RNF128: variants seen among roughly 807,000 people sequenced by gnomAD.
RNF128 encodes E3 ubiquitin-protein ligase RNF128.
In RNF128, 13 loss-of-function variants were observed where a neutral mutation model predicts 26.2. The observed-to-expected ratio is 0.50, with a 90% CI of 0.32 to 0.79. The LOEUF (loss-of-function observed/expected upper bound fraction) is 0.79, where lower values mean the gene tolerates loss of function less well. Ranked by LOEUF, RNF128 falls within the 30% of genes least tolerant of loss-of-function variation. RNF128 has a pLI of 0.03. For synonymous variants in RNF128, 149 were observed against 142.5 expected, an observed-to-expected ratio of 1.05 and a Z score of -0.32; for missense variants, 315 against 349.7, an observed-to-expected ratio of 0.90 and a Z score of 0.79.
At chrX:106,729,592 T>C (rs1291291798) in intron 1 of RNF128, among the ~76,000 whole-genome samples, 1 of 111,261 alleles carries the variant, frequency 9.0e-6, no homozygotes, top group Non-Finnish European at 1.9e-5. Flanking sequence ...AATAAAGCCC[T>C]AAATATTGAT....
intron 4 of RNF128, 112 bp from the exon 5 acceptor site, chrX:106,790,074 G>T (rs778182371): frequency 4.8e-6 from 2 of 419,758 alleles, no homozygotes; most frequent in South Asian, 6.6e-5. Flanking sequence ...TGTTTAAAAG[G>T]AAAGGCATCC....
chrX:106,706,734 T>A (rs2147659686), intron 1 of RNF128, among the ~76,000 whole-genome samples: 1 of 112,599 alleles, frequency 8.9e-6, no homozygotes, highest in South Asian at 3.7e-4. Flanking sequence ...GTATAGGATC[T>A]GAAAAGAAAT....
chrX:106,791,232 C>T lies in RNF128; in HGVS notation c.1151C>T (p.Thr384Ile). The change falls in exon 6 of 7, where the codon ACA (threonine) becomes ATA (isoleucine). Residue 384 changes from threonine to isoleucine, a missense_variant and splice_region_variant. By Grantham distance (89) the Thr-to-Ile change is moderately conservative. Coordinates refer to ENST00000255499, the MANE Select transcript of RNF128 (RefSeq NM_194463.2). ...EPPLEEHVQS[T>I]NESLQLVNHE... ...CCTCTGGAGGAACACGTGCAGTCAA[C>T]AAGTAAGCATCATACTAAAGGTTAA... 1 of 1,206,448 alleles carries T rather than the reference C, an allele frequency of 8.3e-7. No homozygotes were observed. Among genetic ancestry groups the T allele is most frequent in the East Asian group, 3.0e-5 (1 of 33,743 alleles).
chrX:106,771,622 G>A, intron 1 of RNF128, among the ~76,000 whole-genome samples: 1 of 112,604 alleles, frequency 8.9e-6, no homozygotes, highest in Non-Finnish European at 1.9e-5. Flanking sequence ...ATTAGAGTGG[G>A]AGTGTCCCGA....
intron 1 of RNF128, among the ~76,000 whole-genome samples, chrX:106,729,428 C>T (rs1426179782): frequency 9.1e-6 from 1 of 110,229 alleles, no homozygotes; most frequent in East Asian, 2.8e-4. Flanking sequence ...ATATACTACC[C>T]AGCTGATAAT....
chrX:106,768,103 T>A (rs1930286916), intron 1 of RNF128, among the ~76,000 whole-genome samples: 2 of 112,137 alleles, frequency 1.8e-5, no homozygotes, highest in African/African-American at 6.5e-5. Context: ...GATGTGCTGC[T>A]GGATTCGGCT....
At position 106,785,734 on chromosome X, in the gene RNF128, C is replaced by T. The variant is rs993082142; in HGVS notation, c.804+598C>T. ...AATTTGTTACAGCAGCTACAGGAAA[C>T]TAATACAATGCTTTAGTGTTACTTT... On this transcript the variant is annotated intron_variant, in intron 3 of 6. Transcript: ENST00000255499. 2.7e-5 allele frequency among the ~76,000 whole-genome samples: 3 copies of T among 112,227 alleles called. No individual in the cohort carries two copies. The East Asian group carries it at 8.3e-4, about 31-fold the overall frequency.
chrX:106,761,146 A>G (rs1380638612), intron 1 of RNF128, among the ~76,000 whole-genome samples: 1 of 112,119 alleles, frequency 8.9e-6, no homozygotes, highest in East Asian at 2.8e-4. Flanking sequence ...ACATACATGC[A>G]GCCAACAAAT....
At chrX:106,721,945 T>C (rs956600034), upstream of RNF128, among the ~76,000 whole-genome samples, 8 of 111,843 alleles carry the variant, frequency 7.2e-5, no homozygotes, top group Non-Finnish European at 1.5e-4. Context: ...ATATAGTAAA[T>C]GCTCAATGAA....
chrX:106,738,022 G>T (rs944369360), intron 1 of RNF128, among the ~76,000 whole-genome samples: 1 of 111,825 alleles, frequency 8.9e-6, no homozygotes, highest in African/African-American at 3.2e-5. Context: ...GTAATTAAAG[G>T]CCAACAGATC....
chrX:106,735,138 C>T (rs759899064), intron 1 of RNF128, among the ~76,000 whole-genome samples: 2 of 111,309 alleles, frequency 1.8e-5, no homozygotes, highest in East Asian at 5.7e-4. Context: ...AGTCTTAGTG[C>T]AATATTGATT....
At chrX:106,751,748 A>G (rs1321974937) in intron 1 of RNF128, among the ~76,000 whole-genome samples, 2 of 110,450 alleles carry the variant, frequency 1.8e-5, no homozygotes, top group African/African-American at 6.6e-5. Flanking sequence ...ATCCTGGATG[A>G]CATTTCTAGA....
intron 1 of RNF128, among the ~76,000 whole-genome samples, chrX:106,699,736 T>C (rs1013330158): frequency 9.0e-6 from 1 of 111,684 alleles, no homozygotes; most frequent in African/African-American, 3.3e-5. Flanking sequence ...AACCTAACAG[T>C]CTACTCTTTC....
At chrX:106,764,758 A>G (rs2147689556) in intron 1 of RNF128, among the ~76,000 whole-genome samples, 1 of 112,641 alleles carries the variant, frequency 8.9e-6, no homozygotes, top group East Asian at 2.8e-4. Flanking sequence ...ATATATTCCA[A>G]AGCCTAACTT....
At chrX:106,746,722 C>T (rs1929800457) in intron 1 of RNF128, among the ~76,000 whole-genome samples, 1 of 111,546 alleles carries the variant, frequency 9.0e-6, no homozygotes, top group African/African-American at 3.2e-5. Context: ...AGGTAAATGC[C>T]AAAACCTTTT....
chrX:106,726,771 T>G lies in RNF128; in HGVS notation c.-143T>G. ...AACCTGTGTGCTGACGCTACGTGCCTCCTGGCTCCGACGTAGCTCGCAGCT... is the reference window on the plus strand; with the variant it reads ...AACCTGTGTGCTGACGCTACGTGCCGCCTGGCTCCGACGTAGCTCGCAGCT... On this transcript the variant is annotated 5_prime_UTR_variant, in exon 1 of 7. Coordinates refer to ENST00000255499, the MANE Select transcript of RNF128 (RefSeq NM_194463.2). 2 of 1,067,716 alleles carry G rather than the reference T, an allele frequency of 1.9e-6. No homozygotes were observed. Among genetic ancestry groups the G allele is most frequent in the Non-Finnish European group, 2.4e-6 (2 of 832,121 alleles). The allele number at this position is 1,067,716 out of a possible 1,213,427, so 88.0% of individuals were successfully genotyped here. A position where few individuals can be genotyped will look rare whatever the true frequency, so the allele number is the denominator to read the frequency against.
Position 106,758,044 on chromosome X carries a change from G to A in RNF128, c.485-14869G>A, listed in dbSNP as rs146576686. Among the ~76,000 whole-genome samples, 455 of 112,230 alleles carry A rather than the reference G, an allele frequency of 4.1e-3. 4 individuals carry two copies. The highest frequency in any genetic ancestry group is 0.023 in the Middle Eastern group (5 of 218). ...ATCTTATAGTTTGAAAAACCTAAAG[G>A]CCCCACAACAAACTATTAGAACTGA... On this transcript the variant is annotated intron_variant, in intron 1 of 6. Coordinates refer to ENST00000255499, the MANE Select transcript of RNF128 (RefSeq NM_194463.2).
intron 1 of RNF128, among the ~76,000 whole-genome samples, chrX:106,765,818 T>G (rs749924401): frequency 3.8e-4 from 42 of 110,998 alleles, no homozygotes; most frequent in Admixed American, 6.8e-4. Context: ...CTGCACCCAT[T>G]AACTAACTCG....
At chrX:106,721,302 G>A (rs910905547) in intron 1 of RNF128, among the ~76,000 whole-genome samples, 5 of 111,935 alleles carry the variant, frequency 4.5e-5, no homozygotes, top group South Asian at 3.7e-4. Context: ...CCAGGATACC[G>A]TTTGTCCCAA....
Sources: gnomAD v4.1 joint callset for allele counts (sites outside exome capture counted in the v4.1 genomes callset) on GRCh38, gnomAD v4.1.1 for gene constraint, MANE v1.5 for transcripts, NCBI Gene and HGNC (gene_info 2026-07-23, HGNC 2026-07-21) for gene names.